The following ANKS1B variants were observed in gnomAD, a reference collection of about 807,000 sequenced individuals.
ANKS1B encodes the protein ankyrin repeat and sterile alpha motif domain containing 1B, also known as ankyrin repeat and sterile alpha motif domain-containing protein 1B.
ANKS1B carries 36 observed loss-of-function variants against 148.3 expected under a neutral mutation model. The ratio of observed to expected loss-of-function variants is 0.24; its 90% CI spans 0.19 to 0.32. The LOEUF is 0.32. Ranked by LOEUF, ANKS1B falls within the 10% of genes least tolerant of loss-of-function variation. ANKS1B has a pLI of 1.00. For missense variants in ANKS1B, 1,157 were observed against 1,542.6 expected (o/e 0.75, Z 4.19); for synonymous variants, 542 against 560.8 (o/e 0.97, Z 0.47).
rs79798452 is a variant in ANKS1B, at chr12:99,074,329, T to TA, written c.2625+10595dup. ...AATAAACGATTCCAAGATAAATTCT[T>TA]AAAAAAAAAAAAAACACTAAAAAGT... On this transcript the variant is annotated intron_variant, in intron 16 of 26. Transcript: ENST00000683438. Among the ~76,000 whole-genome samples, 1,272 of 138,702 alleles carry TA rather than the reference T, an allele frequency of 9.2e-3. 9 individuals are homozygous for TA. Among genetic ancestry groups the TA allele is most frequent in the African/African-American group, 0.021 (810 of 38,620 alleles). 91.0% of individuals were successfully genotyped at this position (138,702 alleles called of 152,430 possible). A position where few individuals can be genotyped will look rare whatever the true frequency, so the allele number is the denominator to read the frequency against.
At chr12:99,964,311 A>G (rs576013657) in intron 1 of ANKS1B, among the ~76,000 whole-genome samples, 1 of 152,354 alleles carries the variant, frequency 6.6e-6, no homozygotes, top group South Asian at 2.1e-4. Flanking sequence ...GGTACAGCCA[A>G]TGCTGACTTT....
At chr12:99,034,031 G>A (rs572169111) in intron 17 of ANKS1B, among the ~76,000 whole-genome samples, 11 of 152,326 alleles carry the variant, frequency 7.2e-5, no homozygotes, top group African/African-American at 2.2e-4. Context: ...GGTGCGAAAG[G>A]GAATGACACT....
chr12:99,303,618 A>G (rs893875935), intron 12 of ANKS1B, among the ~76,000 whole-genome samples: 4 of 152,056 alleles, frequency 2.6e-5, no homozygotes, highest in African/African-American at 4.8e-5. Context: ...CACAGAGACT[A>G]TTTTATCTTA....
At chr12:99,433,331 A>C (rs1511962) in intron 11 of ANKS1B, among the ~76,000 whole-genome samples, 25,962 of 152,206 alleles carry the variant, frequency 0.17, 2,679 homozygotes, top group South Asian at 0.22. Flanking sequence ...TAGCCATCAG[A>C]GGTATGATGA....
At chr12:99,432,395 A>T (rs760143001) in intron 11 of ANKS1B, among the ~76,000 whole-genome samples, 14 of 152,130 alleles carry the variant, frequency 9.2e-5, no homozygotes, top group Non-Finnish European at 1.8e-4. Flanking sequence ...GGTGGTACTT[A>T]TTGACAGCCA....
intron 16 of ANKS1B, among the ~76,000 whole-genome samples, chr12:99,070,086 T>C (rs553723221): frequency 1.3e-5 from 2 of 152,356 alleles, no homozygotes; most frequent in Non-Finnish European, 2.9e-5. Flanking sequence ...GCCTGGCACG[T>C]AGGCAATTTT....
intron 9 of ANKS1B, among the ~76,000 whole-genome samples, chr12:99,613,650 G>A (rs542543011): frequency 1.3e-5 from 2 of 152,120 alleles, no homozygotes; most frequent in South Asian, 4.2e-4. Flanking sequence ...GCAGCTAAAT[G>A]ATGAGAATAC....
chr12:99,822,783 A>G (rs1317944364), intron 2 of ANKS1B, among the ~76,000 whole-genome samples: 1 of 152,118 alleles, frequency 6.6e-6, no homozygotes, highest in African/African-American at 2.4e-5. Context: ...AGAACAATTT[A>G]CTTTCTTTTG....
chr12:99,800,172 C>G (rs2066763983), intron 4 of ANKS1B, among the ~76,000 whole-genome samples: 1 of 151,964 alleles, frequency 6.6e-6, no homozygotes, highest in Non-Finnish European at 1.5e-5. Context: ...TGGCCCTAAT[C>G]CAATGGAACT....
intron 14 of ANKS1B, among the ~76,000 whole-genome samples, chr12:99,213,037 C>T (rs2083572219): frequency 6.6e-6 from 1 of 152,180 alleles, no homozygotes; most frequent in Admixed American, 6.5e-5. Flanking sequence ...AGCTTTTTTC[C>T]TACCATCCCA....
intron 17 of ANKS1B, among the ~76,000 whole-genome samples, chr12:99,014,953 C>G (rs1029740155): frequency 2.0e-5 from 3 of 152,202 alleles, no homozygotes; most frequent in African/African-American, 7.2e-5. Context: ...GTGGAAGACA[C>G]TGTGGCCATT....
At chr12:99,255,655 C>T (rs139091364) in intron 12 of ANKS1B, among the ~76,000 whole-genome samples, 86 of 152,170 alleles carry the variant, frequency 5.7e-4, no homozygotes, top group Middle Eastern at 3.4e-3. Context: ...TGATATTTAG[C>T]ATTTATATTT....
At chr12:99,573,907 A>T (rs12370149) in intron 9 of ANKS1B, among the ~76,000 whole-genome samples, 39,617 of 150,906 alleles carry the variant, frequency 0.26, 5,355 homozygotes, top group African/African-American at 0.31. Flanking sequence ...CAAAAAAAAA[A>T]TTTTTTTTAA....
At chr12:98,751,000 CCT>C (rs2098075780) in intron 26 of ANKS1B, among the ~76,000 whole-genome samples, 1 of 152,148 alleles carries the variant, frequency 6.6e-6, no homozygotes, top group Non-Finnish European at 1.5e-5. Context: ...GAGGCTTTGC[CCT>C]CTGATGGGAT....
intron 9 of ANKS1B, among the ~76,000 whole-genome samples, chr12:99,562,704 G>T (rs2097349606): frequency 6.6e-6 from 1 of 152,152 alleles, no homozygotes; most frequent in South Asian, 2.1e-4. Flanking sequence ...AAAACCATCA[G>T]ATCTTGTGAA....
At chr12:99,805,263 C>CAAAAAAAAAAGAAAAAAA (rs2067461006) in intron 4 of ANKS1B, among the ~76,000 whole-genome samples, 1 of 28,910 alleles carries the variant, frequency 3.5e-5, no homozygotes, top group Non-Finnish European at 5.8e-5. Flanking sequence ...GAGGAAAAGG[C>CAAAAAAAAAAGAAAAAAA]AAAAAAAAAA....
chr12:99,040,507 T>C (rs957628239), intron 17 of ANKS1B, among the ~76,000 whole-genome samples: 6 of 152,156 alleles, frequency 3.9e-5, no homozygotes, highest in African/African-American at 7.2e-5. Context: ...GTTAAACGTA[T>C]CTCTGTTGCA....
intron 12 of ANKS1B, among the ~76,000 whole-genome samples, chr12:99,346,045 AT>A (rs920379824): frequency 7.9e-5 from 12 of 151,734 alleles, no homozygotes; most frequent in African/African-American, 2.4e-4. Flanking sequence ...TTTGGAGAAC[AT>A]TTTTTTTCCT....
chr12:98,910,544 CA>C (rs1353483952), intron 17 of ANKS1B, among the ~76,000 whole-genome samples: 2 of 152,078 alleles, frequency 1.3e-5, no homozygotes, highest in African/African-American at 4.8e-5. Flanking sequence ...AGAAAAAATG[CA>C]AAACTTACTT....
Sources: gnomAD v4.1 joint callset for allele counts (sites outside exome capture counted in the v4.1 genomes callset) on GRCh38, gnomAD v4.1.1 for gene constraint, MANE v1.5 for transcripts, NCBI Gene and HGNC (gene_info 2026-07-23, HGNC 2026-07-21) for gene names.